TSPAN18: variants seen among roughly 807,000 people sequenced by gnomAD.
TSPAN18 encodes tetraspanin-18.
TSPAN18 carries 14 observed loss-of-function variants against 27.3 expected under a neutral mutation model. The ratio of observed to expected loss-of-function variants is 0.51; its 90% CI spans 0.34 to 0.80. The LOEUF is 0.80. Ranked by LOEUF, TSPAN18 falls within the 30% of genes least tolerant of loss-of-function variation. The probability of loss-of-function intolerance (pLI) is 0.01; values close to 1 mark genes in which losing one functional copy is unlikely to be tolerated. For synonymous variants in TSPAN18, 143 were observed against 136.5 expected, an observed-to-expected ratio of 1.05 and a Z score of -0.33; for missense variants, 268 against 323.9, an observed-to-expected ratio of 0.83 and a Z score of 1.32.
intron 1 of TSPAN18, among the ~76,000 whole-genome samples, chr11:44,730,651 T>C (rs1407551789): frequency 6.7e-6 from 1 of 150,282 alleles, no homozygotes; most frequent in Non-Finnish European, 1.5e-5. Context: ...TGAGAGACAG[T>C]CTTGCTCTGT....
chr11:44,856,245 T>C (rs541464146), intron 2 of TSPAN18, among the ~76,000 whole-genome samples: 1 of 152,248 alleles, frequency 6.6e-6, no homozygotes, highest in South Asian at 2.1e-4. Context: ...TGGCTCCCCA[T>C]TGCCTGTGGA....
At chr11:44,891,740 G>T (rs1858857316) in intron 3 of TSPAN18, among the ~76,000 whole-genome samples, 1 of 152,134 alleles carries the variant, frequency 6.6e-6, no homozygotes. Context: ...GCCAGAGCAG[G>T]GCTATCCATC....
chr11:44,743,367 G>A (rs1397723458), intron 1 of TSPAN18, among the ~76,000 whole-genome samples: 3 of 152,290 alleles, frequency 2.0e-5, no homozygotes, highest in East Asian at 1.9e-4. Context: ...GGAAAGAGCC[G>A]TGGGGTGCAG....
At chr11:44,891,252 A>G (rs755620035) in intron 3 of TSPAN18, among the ~76,000 whole-genome samples, 1 of 152,194 alleles carries the variant, frequency 6.6e-6, no homozygotes, top group Non-Finnish European at 1.5e-5. Flanking sequence ...GGTGGGGTCC[A>G]GAGGCCTCAC....
chr11:44,819,445 ATG>A (rs1856882541), intron 2 of TSPAN18, among the ~76,000 whole-genome samples: 1 of 152,164 alleles, frequency 6.6e-6, no homozygotes, highest in African/African-American at 2.4e-5. Context: ...GCGCATGTGC[ATG>A]TGTGTCGGGT....
At chr11:44,763,472 A>G (rs1855498463) in intron 1 of TSPAN18, among the ~76,000 whole-genome samples, 1 of 152,132 alleles carries the variant, frequency 6.6e-6, no homozygotes, top group Admixed American at 6.5e-5. Flanking sequence ...CTGGAACTGA[A>G]TTCTTTTTTT....
At chr11:44,850,773 G>T (rs1183354515) in intron 2 of TSPAN18, among the ~76,000 whole-genome samples, 1 of 152,138 alleles carries the variant, frequency 6.6e-6, no homozygotes, top group Non-Finnish European at 1.5e-5. Context: ...GAAGTGGGGT[G>T]CAGGAGACCC....
At chr11:44,898,348 G>A (rs1169082995) in intron 3 of TSPAN18, among the ~76,000 whole-genome samples, 1 of 152,206 alleles carries the variant, frequency 6.6e-6, no homozygotes, top group Non-Finnish European at 1.5e-5. Context: ...GCTAGATCGT[G>A]CTTCCCAACC....
At chr11:44,875,056 A>G (rs1396922739) in intron 3 of TSPAN18, among the ~76,000 whole-genome samples, 2 of 152,204 alleles carry the variant, frequency 1.3e-5, no homozygotes, top group Non-Finnish European at 2.9e-5. Flanking sequence ...CCAGGGCTGG[A>G]GCAGCAGCTC....
intron 1 of TSPAN18, among the ~76,000 whole-genome samples, chr11:44,754,306 G>A (rs568619759): frequency 2.0e-5 from 3 of 152,176 alleles, no homozygotes; most frequent in African/African-American, 7.2e-5. Flanking sequence ...TTCCTTGCTA[G>A]CTGCAGGGTG....
chr11:44,766,125 G>A (rs1262469135), intron 2 of TSPAN18, among the ~76,000 whole-genome samples: 1 of 152,158 alleles, frequency 6.6e-6, no homozygotes, highest in Non-Finnish European at 1.5e-5. Flanking sequence ...GAAAGCACTT[G>A]GCCACTTTCT....
At chr11:44,867,711 T>C (rs1339875242) in intron 3 of TSPAN18, among the ~76,000 whole-genome samples, 1 of 152,040 alleles carries the variant, frequency 6.6e-6, no homozygotes, top group Non-Finnish European at 1.5e-5. Context: ...TTTATGTATG[T>C]TTTAAAAGGG....
Position 44,772,936 on chromosome 11 carries a change from C to T in TSPAN18, c.-153+8424C>T, listed in dbSNP as rs532232823. Among the ~76,000 whole-genome samples, 37 of 152,158 alleles carry T rather than the reference C, an allele frequency of 2.4e-4. 1 individual carries two copies. In the South Asian group the frequency reaches 7.3e-3, roughly 30 times the overall value. On this transcript the variant is annotated intron_variant, in intron 2 of 9. Transcript: ENST00000520358. ...CCTCCCAAAGTGCTGGGATTACAGGCGTGAGCCACTGCACTGAGCCCGATT... is the reference window on the plus strand; with the variant it reads ...CCTCCCAAAGTGCTGGGATTACAGGTGTGAGCCACTGCACTGAGCCCGATT...
rs1430929889 is a variant in TSPAN18 at position 44,931,297 on chromosome 11, G to A, written c.*2119G>A. The A allele has an allele frequency of 9.3e-6, 2 of 214,172 alleles. No homozygotes were observed. Among genetic ancestry groups the A allele is most frequent in the African/African-American group, 4.6e-5 (2 of 43,154 alleles). The allele number at this position is 214,172 out of a possible 1,614,324, so 13.3% of individuals were successfully genotyped here. A position where few individuals can be genotyped will look rare whatever the true frequency, so the allele number is the denominator to read the frequency against. On this transcript the variant is annotated 3_prime_UTR_variant, in exon 10 of 10. Transcript: ENST00000520358. Reference sequence around the variant, plus strand: ...TGCTTAGCCCCAGCTTTTTGGAAGAGGCAAATGGCTGGTCTGAGGATGACA... The same window carrying A: ...TGCTTAGCCCCAGCTTTTTGGAAGAAGCAAATGGCTGGTCTGAGGATGACA...
At chr11:44,779,243 G>C (rs774383033) in intron 2 of TSPAN18, among the ~76,000 whole-genome samples, 1 of 152,140 alleles carries the variant, frequency 6.6e-6, no homozygotes, top group Non-Finnish European at 1.5e-5. Context: ...GTTTACCCCA[G>C]GTCATGTCAA....
chr11:44,738,531 T>A (rs76124966), intron 1 of TSPAN18, among the ~76,000 whole-genome samples: 114 of 152,332 alleles, frequency 7.5e-4, no homozygotes, highest in African/African-American at 2.7e-3. Flanking sequence ...TATTTGTTTC[T>A]CCAGTTTTAG....
At chr11:44,726,896 A>AGGGAGGGCGGGGGAGGGGGC (rs1554975329), upstream of TSPAN18, 1 of 21,532 alleles carries the variant, frequency 4.6e-5, no homozygotes, top group Non-Finnish European at 8.3e-5. Flanking sequence ...GGGGAGGGGG[A>AGGGAGGGCGGGGGAGGGGGC]GGGAGGGCGG....
chr11:44,750,606 A>G (rs4755886), intron 1 of TSPAN18, among the ~76,000 whole-genome samples: 2,664 of 126,466 alleles, frequency 0.021, 44 homozygotes, highest in Middle Eastern at 0.062. Context: ...CCCCACATCA[A>G]TTTGGTGTTC....
chr11:44,915,285 C>A (rs1426521757), intron 5 of TSPAN18, among the ~76,000 whole-genome samples: 1 of 152,182 alleles, frequency 6.6e-6, no homozygotes, highest in Non-Finnish European at 1.5e-5. Flanking sequence ...ATGCCAGGAC[C>A]CCTGCCAGCG....
Sources: gnomAD v4.1 joint callset for allele counts (sites outside exome capture counted in the v4.1 genomes callset) on GRCh38, gnomAD v4.1.1 for gene constraint, MANE v1.5 for transcripts, NCBI Gene and HGNC (gene_info 2026-07-23, HGNC 2026-07-21) for gene names.